ENO2: variants seen among roughly 807,000 people sequenced by gnomAD.
ENO2 encodes the protein gamma-enolase.
Under a neutral mutation model 48.7 loss-of-function variants are expected in ENO2, and 19 were observed. The observed-to-expected ratio is 0.39, with a 90% confidence interval of 0.27 to 0.57. The LOEUF (loss-of-function observed/expected upper bound fraction) is 0.57. Among genes scored for constraint, ENO2 ranks in the 20% least tolerant of loss-of-function variants. The pLI is 0.58. For missense variants in ENO2, 416 were observed against 555.0 expected, an observed-to-expected ratio of 0.75 and a Z score of 2.52; for synonymous variants, 198 against 213.4, an observed-to-expected ratio of 0.93 and a Z score of 0.63.
intron 7 of ENO2, among the ~76,000 whole-genome samples, chr12:6,918,511 C>T (rs983575437): frequency 7.3e-5 from 11 of 151,524 alleles, no homozygotes; most frequent in South Asian, 2.1e-4. Context: ...CCACCACGCC[C>T]GGCTAATTTT....
At position 6,922,728 on chromosome 12, in the gene ENO2, C is replaced by T; in HGVS notation, c.1236-3C>T. On this transcript the variant is annotated splice_region_variant and splice_polypyrimidine_tract_variant and intron_variant, in intron 11 of 11. Coordinates refer to ENST00000229277, the MANE Select transcript of ENO2 (RefSeq NM_001975.3). The surrounding 1 kb of genome is among the most constrained non-coding windows in gnomAD (Gnocchi z 5.3). The stretch of plus-strand genomic sequence containing the variant: ...CACTTCCTTTGTGGTTCATCTCTCT[C>T]AGAATTGAGGAAGAGCTGGGGGATG... 1 of 1,614,126 alleles carries T rather than the reference C, an allele frequency of 6.2e-7. No individual in the cohort carries two copies. The highest frequency in any genetic ancestry group is 1.7e-4 in the Middle Eastern group (1 of 6,060).
At position 6,917,031 on chromosome 12, in the gene ENO2, C is replaced by G. The variant is rs782303286; in HGVS notation, c.241-7C>G. On this transcript the variant is annotated splice_region_variant and splice_polypyrimidine_tract_variant and intron_variant, in intron 4 of 11. Coordinates refer to ENST00000229277, the MANE Select transcript of ENO2 (RefSeq NM_001975.3). ...CTGGCCCTGGGTGATGGAGGCTCTGCCCTCAGGGTCTCTCTGTGGTGGAGC... is the reference window on the plus strand; with the variant it reads ...CTGGCCCTGGGTGATGGAGGCTCTGGCCTCAGGGTCTCTCTGTGGTGGAGC... 15 of 1,614,014 alleles carry G rather than the reference C, an allele frequency of 9.3e-6. No individual in the cohort carries two copies. The highest frequency in any genetic ancestry group is 1.2e-5 in the Non-Finnish European group (14 of 1,180,034).
At chr12:6,918,762 A>G (rs1427128227) in intron 7 of ENO2, among the ~76,000 whole-genome samples, 1 of 150,430 alleles carries the variant, frequency 6.6e-6, no homozygotes, top group Non-Finnish European at 1.5e-5. Context: ...CGGGTGGATC[A>G]CCTGAGGTCA....
At chr12:6,917,914 C>T (rs1555141795) in intron 6 of ENO2, 26 bp from the exon 7 acceptor site, 5 of 1,612,546 alleles carry the variant, frequency 3.1e-6, no homozygotes, top group Admixed American at 1.7e-5. Context: ...GCTCTTTGAC[C>T]CTTCTGTCTT....
intron 7 of ENO2, among the ~76,000 whole-genome samples, chr12:6,918,515 T>A (rs1945312352): frequency 6.6e-6 from 1 of 151,454 alleles, no homozygotes; most frequent in Middle Eastern, 3.4e-3. Context: ...CACGCCCGGC[T>A]AATTTTTTGT....
intron 8 of ENO2, among the ~76,000 whole-genome samples, chr12:6,920,705 GC>G (rs111660166): frequency 0.3 from 39,560 of 131,660 alleles, 6,498 homozygotes; most frequent in Middle Eastern, 0.43. Context: ...TGGCTGGTTT[GC>G]TTTTAATTAA....
In ENO2 at chr12:6,916,487, A is replaced by G; in HGVS notation, c.156A>G (p.Gly52=). The change falls in exon 3 of 12, where the codon GGA becomes GGG. Residue 52 remains glycine (G), a synonymous_variant. Coordinates refer to ENST00000229277, the MANE Select transcript of ENO2 (RefSeq NM_001975.3). The surrounding 1 kb of genome is among the most constrained non-coding windows in gnomAD (Gnocchi z 4.5). ...GIYEALELRD[G]DKQRYLGKGV... ...ATGAGGCCCTGGAGCTGAGGGATGG[A>G]GACAAACAGCGTTACTTAGGCAAAG... 1 of 1,614,070 alleles carries G rather than the reference A, an allele frequency of 6.2e-7. No individual in the cohort carries two copies. The highest frequency in any genetic ancestry group is 8.5e-7 in the Non-Finnish European group (1 of 1,179,982).
In ENO2 at chr12:6,922,001, G is replaced by A. The variant is rs1387528392; in HGVS notation, c.1068-55G>A. The A allele has an allele frequency of 5.6e-6, 9 of 1,605,790 alleles. No homozygotes were observed. In the Admixed American group the frequency reaches 1.3e-4, roughly 24 times the overall value. Reference sequence around the variant, plus strand: ...CCTGACATAGACCAAGGTTGGGGCTGGGAAGAGAGTGCCCAGTGTGAGAGC... The same window carrying A: ...CCTGACATAGACCAAGGTTGGGGCTAGGAAGAGAGTGCCCAGTGTGAGAGC... On this transcript the variant is annotated intron_variant, in intron 9 of 11. Transcript: ENST00000229277. This position sits in a 1 kb window ranked among gnomAD's most constrained non-coding sequence, Gnocchi z 5.3.
intron 7 of ENO2, among the ~76,000 whole-genome samples, chr12:6,919,299 G>C (rs1304016667): frequency 1.3e-5 from 2 of 152,184 alleles, no homozygotes; most frequent in African/African-American, 4.8e-5. Context: ...GCTCATGGTA[G>C]TGTGAGGCTT....
In ENO2 at chr12:6,917,033, C is replaced by T; in HGVS notation, c.241-5C>T. 6.2e-7 allele frequency: 1 copy of T among 1,614,124 alleles called. No individual in the cohort carries two copies. The highest frequency in any genetic ancestry group is 1.3e-5 in the African/African-American group (1 of 75,028). On this transcript the variant is annotated splice_region_variant and splice_polypyrimidine_tract_variant and intron_variant, in intron 4 of 11. Transcript: ENST00000229277. ...GGCCCTGGGTGATGGAGGCTCTGCC[C>T]TCAGGGTCTCTCTGTGGTGGAGCAA... is the stretch of plus-strand genomic sequence containing the variant.
At chr12:6,917,907 C>T (rs1945306668) in intron 6 of ENO2, 33 bp from the exon 7 acceptor site, 1 of 1,611,724 alleles carries the variant, frequency 6.2e-7, no homozygotes. Context: ...GGGAGGGGCT[C>T]TTTGACCCTT....
Position 6,915,711 on chromosome 12 carries a change from T to A in ENO2, c.-12-110T>A. 7 of 132,714 alleles carry A rather than the reference T, an allele frequency of 5.3e-5. No homozygotes were observed. The East Asian group carries it at 9.6e-4, about 18-fold the overall frequency. 8.2% of individuals were successfully genotyped at this position (132,714 alleles called of 1,614,324 possible). A position where few individuals can be genotyped will look rare whatever the true frequency, so the allele number is the denominator to read the frequency against. ...GCCTCCCTACCCACCCCCCACCCAC[T>A]GCAGTAACCTCTTTCCCATCCCTCC... On this transcript the variant is annotated intron_variant, in intron 1 of 11. Coordinates refer to ENST00000229277, the MANE Select transcript of ENO2 (RefSeq NM_001975.3).
In ENO2 at chr12:6,916,644, C is replaced by T. The variant is rs148811390; in HGVS notation, c.182-27C>T. ...TCCCTTCCGGCCCCTCCTGGCCCGA[C>T]CCAGTCCAGCCTCTTCCTTTCCCCA... On this transcript the variant is annotated intron_variant, in intron 3 of 11. Transcript: ENST00000229277. The surrounding 1 kb of genome is among the most constrained non-coding windows in gnomAD (Gnocchi z 4.5). The T allele has an allele frequency of 1.2e-6, 2 of 1,614,044 alleles. No individual in the cohort carries two copies. The highest frequency in any genetic ancestry group is 1.7e-6 in the Non-Finnish European group (2 of 1,179,920).
intron 8 of ENO2, 118 bp from the exon 9 acceptor site, chr12:6,921,463 C>A: frequency 1.1e-6 from 1 of 949,330 alleles, no homozygotes; most frequent in South Asian, 1.4e-5. Flanking sequence ...CAAGGATGAG[C>A]AGGTGTAGTT....
At chr12:6,917,383 C>A in intron 5 of ENO2, 198 bp from the exon 6 acceptor site, 1 of 770,494 alleles carries the variant, frequency 1.3e-6, no homozygotes, top group Non-Finnish European at 2.0e-6. Flanking sequence ...GGCTCTCTGC[C>A]GTTTCCAATC....
chr12:6,916,919 CT>C lies in ENO2; in HGVS notation c.241-118del. 1 of 1,472,662 alleles carries C rather than the reference CT, an allele frequency of 6.8e-7. No individual in the cohort carries two copies. Among genetic ancestry groups the C allele is most frequent in the African/African-American group, 1.4e-5 (1 of 71,730 alleles). 91.2% of individuals were successfully genotyped at this position (1,472,662 alleles called of 1,614,324 possible). On this transcript the variant is annotated intron_variant, in intron 4 of 11. Coordinates refer to ENST00000229277, the MANE Select transcript of ENO2 (RefSeq NM_001975.3). This position sits in a 1 kb window ranked among gnomAD's most constrained non-coding sequence, Gnocchi z 4.5. The stretch of plus-strand genomic sequence containing the variant: ...CAGGTCCCCTAATCCAGGTAGGCCC[CT>C]GTCACAGGGACCTGGTTGGACCCTG...
In ENO2 at chr12:6,918,703, C is replaced by T. The variant is rs782195694; in HGVS notation, c.667+541C>T. On this transcript the variant is annotated intron_variant, in intron 7 of 11. Transcript: ENST00000229277. ...ATCTGTTAAGTTGCCACTGGAAGGCCGGGCGCGGTGGCTCACACCTGTAAT... is the reference window on the plus strand; with the variant it reads ...ATCTGTTAAGTTGCCACTGGAAGGCTGGGCGCGGTGGCTCACACCTGTAAT... Among the ~76,000 whole-genome samples the T allele has an allele frequency of 8.0e-5, 12 of 150,562 alleles. No homozygotes were observed. In the South Asian group the frequency reaches 8.5e-4, roughly 11 times the overall value.
chr12:6,916,784 G>A lies in ENO2; in HGVS notation c.240+55G>A, dbSNP rs572370327. On this transcript the variant is annotated intron_variant, in intron 4 of 11. Coordinates refer to ENST00000229277, the MANE Select transcript of ENO2 (RefSeq NM_001975.3). The surrounding 1 kb of genome is among the most constrained non-coding windows in gnomAD (Gnocchi z 4.5). ...GGGCCAGAGTTCTGGAAGGAATCCC[G>A]GAGCAGGGCAGGAGGAAGGGAAGAA... 2.0e-4 allele frequency: 315 copies of A among 1,604,054 alleles called. 5 individuals are homozygous for A. The South Asian group carries it at 3.0e-3, about 15-fold the overall frequency.
chr12:6,914,712 C>T lies in ENO2; in HGVS notation c.-13+53C>T. On this transcript the variant is annotated intron_variant, in intron 1 of 11. Coordinates refer to ENST00000229277, the MANE Select transcript of ENO2 (RefSeq NM_001975.3). This position sits in a 1 kb window ranked among gnomAD's most constrained non-coding sequence, Gnocchi z 7.1. ...CTGTGGCCCCCTCCCTTCGCCGCGG[C>T]GCCCCTGCCTCCTTTACCCGGTGCC... The T allele has an allele frequency of 6.5e-6, 1 of 154,798 alleles. No homozygotes were observed. Among genetic ancestry groups the T allele is most frequent in the East Asian group, 1.9e-4 (1 of 5,190 alleles). 9.6% of individuals were successfully genotyped at this position (154,798 alleles called of 1,614,324 possible).
Sources: gnomAD v4.1 joint callset for allele counts (sites outside exome capture counted in the v4.1 genomes callset) on GRCh38, gnomAD v4.1.1 for gene constraint, Gnocchi (gnomAD v3.1) non-coding constraint, MANE v1.5 for transcripts, NCBI Gene and HGNC (gene_info 2026-07-23, HGNC 2026-07-21) for gene names.